CLVS2: variants seen among roughly 807,000 people sequenced by gnomAD.
CLVS2 encodes clavesin 2, also known as clavesin-2.
Under a neutral mutation model 29.0 loss-of-function variants are expected in CLVS2, and 19 were observed. The ratio of observed to expected loss-of-function variants is 0.66; its 90% CI spans 0.46 to 0.96. The LOEUF (loss-of-function observed/expected upper bound fraction) is 0.96. Among genes scored for constraint, CLVS2 ranks in the 40% least tolerant of loss-of-function variants. The pLI, the probability that CLVS2 is intolerant of heterozygous loss-of-function variation, is 0.00. For synonymous variants in CLVS2, 161 were observed against 151.3 expected, an observed-to-expected ratio of 1.06 and a Z score of -0.47; for missense variants, 294 against 404.1, an observed-to-expected ratio of 0.73 and a Z score of 2.34.
chr6:123,039,516 A>G (rs1363827010), intron 3 of CLVS2, among the ~76,000 whole-genome samples: 1 of 152,056 alleles, frequency 6.6e-6, no homozygotes, highest in African/African-American at 2.4e-5. Flanking sequence ...CTTGATTGAG[A>G]CTGGTGCTTC....
At chr6:123,011,188 G>C in intron 3 of CLVS2, 29 bp downstream of exon 3, 3 of 1,475,252 alleles carry the variant, frequency 2.0e-6, no homozygotes, top group Non-Finnish European at 2.7e-6. Flanking sequence ...CTACTTCCTT[G>C]GTCTCTTGTG....
At chr6:123,001,001 AC>A (rs1774581398) in intron 2 of CLVS2, among the ~76,000 whole-genome samples, 1 of 152,164 alleles carries the variant, frequency 6.6e-6, no homozygotes. Context: ...ATTCGTAAAG[AC>A]CCCCAATAGA....
chr6:123,056,047 G>A, intron 5 of CLVS2, 21 bp downstream of exon 5: 2 of 1,559,372 alleles, frequency 1.3e-6, no homozygotes, highest in South Asian at 1.1e-5. Flanking sequence ...GGTAGACTGG[G>A]GAGTGGGCTG....
chr6:123,043,115 T>C (rs939645487), intron 3 of CLVS2, among the ~76,000 whole-genome samples: 2 of 152,140 alleles, frequency 1.3e-5, no homozygotes, highest in African/African-American at 2.4e-5. Context: ...ATATGTGTTG[T>C]ACACCTCTGA....
At chr6:123,003,001 C>A (rs1284743173) in intron 2 of CLVS2, among the ~76,000 whole-genome samples, 1 of 152,148 alleles carries the variant, frequency 6.6e-6, no homozygotes, top group African/African-American at 2.4e-5. Context: ...CTGCTAACTG[C>A]AACTTATTCC....
chr6:123,025,219 C>G (rs1774984170), intron 3 of CLVS2, among the ~76,000 whole-genome samples: 1 of 151,982 alleles, frequency 6.6e-6, no homozygotes, highest in African/African-American at 2.4e-5. Context: ...TATCCGGGGA[C>G]CTGGAAAGCC....
intron 2 of CLVS2, among the ~76,000 whole-genome samples, chr6:123,002,238 G>A (rs375930762): frequency 6.6e-6 from 1 of 152,132 alleles, no homozygotes; most frequent in African/African-American, 2.4e-5. Context: ...TATCATAGTG[G>A]ACATTGATTA....
chr6:123,028,264 C>A (rs1378742132), intron 3 of CLVS2, among the ~76,000 whole-genome samples: 1 of 152,142 alleles, frequency 6.6e-6, no homozygotes, highest in Non-Finnish European at 1.5e-5. Flanking sequence ...AGCAGATAAG[C>A]ACATGCTATA....
chr6:123,065,396 C>A lies in CLVS2; in HGVS notation c.*1635C>A, dbSNP rs1421509331. The A allele has an allele frequency of 6.6e-6, 1 of 151,790 alleles. No individual in the cohort carries two copies. Among genetic ancestry groups the A allele is most frequent in the Admixed American group, 6.6e-5 (1 of 15,206 alleles). The allele number at this position is 151,790 out of a possible 1,614,324, so 9.4% of individuals were successfully genotyped here. ...AAAGCTCCCAAAATTTGTTATAATT[C>A]TGCAGCCAAAAATTGTAAAAGCAAG... is the stretch of plus-strand genomic sequence containing the variant. On this transcript the variant is annotated 3_prime_UTR_variant, in exon 6 of 6. Coordinates refer to ENST00000275162, the MANE Select transcript of CLVS2 (RefSeq NM_001010852.4).
chr6:123,045,340 G>A (rs541904461), intron 3 of CLVS2, among the ~76,000 whole-genome samples: 1 of 152,128 alleles, frequency 6.6e-6, no homozygotes, highest in East Asian at 1.9e-4. Context: ...GTTAAAGGAG[G>A]ACTACAGCTG....
At chr6:123,003,829 G>A (rs545621180) in intron 2 of CLVS2, among the ~76,000 whole-genome samples, 1 of 152,240 alleles carries the variant, frequency 6.6e-6, no homozygotes, top group East Asian at 1.9e-4. Context: ...TGCCTGCTTG[G>A]TTAACTGAAT....
intron 2 of CLVS2, among the ~76,000 whole-genome samples, chr6:123,008,979 C>G (rs1239968524): frequency 6.6e-6 from 1 of 152,146 alleles, no homozygotes; most frequent in East Asian, 1.9e-4. Flanking sequence ...TTTTATAATA[C>G]TAATAGCCTA....
At chr6:123,055,248 T>C (rs2114362460) in intron 4 of CLVS2, among the ~76,000 whole-genome samples, 1 of 152,360 alleles carries the variant, frequency 6.6e-6, no homozygotes, top group African/African-American at 2.4e-5. Context: ...ATGACGATGC[T>C]AATCTACTTT....
At chr6:123,037,499 C>T (rs1002654341) in intron 3 of CLVS2, among the ~76,000 whole-genome samples, 1 of 152,096 alleles carries the variant, frequency 6.6e-6, no homozygotes, top group Non-Finnish European at 1.5e-5. Flanking sequence ...ATTTAGCAAA[C>T]AACCTTGGCA....
chr6:123,027,048 A>C (rs1775012444), intron 3 of CLVS2, among the ~76,000 whole-genome samples: 1 of 152,170 alleles, frequency 6.6e-6, no homozygotes, highest in African/African-American at 2.4e-5. Flanking sequence ...GCGAAAATGC[A>C]TATATTGCAT....
chr6:123,038,750 C>T (rs1775189049), intron 3 of CLVS2, among the ~76,000 whole-genome samples: 1 of 151,602 alleles, frequency 6.6e-6, no homozygotes, highest in Admixed American at 6.6e-5. Context: ...CGCTTACTGG[C>T]TCTTTGATAT....
intron 5 of CLVS2, among the ~76,000 whole-genome samples, chr6:123,058,360 C>T (rs961092141): frequency 3.3e-5 from 5 of 152,164 alleles, no homozygotes; most frequent in African/African-American, 4.8e-5. Context: ...CAGCTGTCAT[C>T]GGTGTCCACT....
At chr6:123,049,639 A>G (rs142833071) in intron 4 of CLVS2, among the ~76,000 whole-genome samples, 4 of 152,310 alleles carry the variant, frequency 2.6e-5, no homozygotes, top group African/African-American at 9.6e-5. Flanking sequence ...GATTAGTTCC[A>G]CAGCAAAATA....
chr6:123,038,655 A>G (rs1326809316), intron 3 of CLVS2, among the ~76,000 whole-genome samples: 1 of 152,106 alleles, frequency 6.6e-6, no homozygotes, highest in African/African-American at 2.4e-5. Context: ...TATTTTTTAA[A>G]TAAATTATTT....
Sources: allele counts gnomAD v4.1 joint callset (sites outside exome capture counted in the v4.1 genomes callset), GRCh38; gene constraint gnomAD v4.1.1; transcripts MANE v1.5; gene names NCBI Gene and HGNC (gene_info 2026-07-23, HGNC 2026-07-21).